The following IDH3G variants were observed in gnomAD, a reference collection of about 807,000 sequenced individuals.
IDH3G encodes the protein isocitrate dehydrogenase [NAD] subunit gamma, mitochondrial.
In IDH3G, 9 loss-of-function variants were observed where a neutral mutation model predicts 26.9. The ratio of observed to expected loss-of-function variants is 0.34; its 90% CI spans 0.20 to 0.58. The LOEUF is 0.58. Ranked by LOEUF, IDH3G falls within the 20% of genes least tolerant of loss-of-function variation. The probability of loss-of-function intolerance (pLI) is 0.85; values close to 1 mark genes in which losing one functional copy is unlikely to be tolerated. For synonymous variants in IDH3G, 181 were observed against 160.0 expected (o/e 1.13, Z -0.99); for missense variants, 250 against 372.8 (o/e 0.67, Z 2.71).
chrX:153,791,783 T>A (rs781936544), intron 1 of IDH3G, among the ~76,000 whole-genome samples: 72 of 112,149 alleles, frequency 6.4e-4, no homozygotes, highest in African/African-American at 2.1e-3. Flanking sequence ...CCAGAAAGGC[T>A]CGGGCGGAGT....
At chrX:153,791,804 CCT>C (rs782455026) in intron 1 of IDH3G, among the ~76,000 whole-genome samples, 1 of 112,316 alleles carries the variant, frequency 8.9e-6, no homozygotes, top group Non-Finnish European at 1.9e-5. Context: ...CTGACCTCTC[CCT>C]GTCTGTGTGT....
rs781841579 is a variant in IDH3G, at chrX:153,787,846, C to T, written c.517G>A (p.Glu173Lys). 2 of 1,209,228 alleles carry T rather than the reference C, an allele frequency of 1.7e-6. No individual in the cohort carries two copies. Among genetic ancestry groups the T allele is most frequent in the African/African-American group, 1.7e-5 (1 of 57,449 alleles). The change falls in exon 7 of 13, where the codon GAG (glutamate) becomes AAG (lysine). Residue 173 changes from glutamate to lysine, a missense_variant. Physicochemically the swap from Glu to Lys is moderately conservative, Grantham distance 56. This residue lies in a region of IDH3G where 201 missense variants were observed against 331.3 expected (regional missense o/e 0.61). Coordinates refer to ENST00000217901, the MANE Select transcript of IDH3G (RefSeq NM_004135.4). ...ACCTCATGCTCCAGGCTGCTGTACT[C>T]GCCCTCTGTGTTCTCCCGGACAATG... is the stretch of plus-strand genomic sequence containing the variant. Reference protein sequence around the residue: ...ILIVRENTEGEYSSLEHESVA... With the variant: ...ILIVRENTEGKYSSLEHESVA...
rs1455585953 is a variant in IDH3G at position 153,790,583 on chromosome X, G to A, written c.124-8C>T. On this transcript the variant is annotated splice_region_variant and splice_polypyrimidine_tract_variant and intron_variant, in intron 2 of 12. Transcript: ENST00000217901. ...ACTCACAATTGTTTGTTCCTAGAAA[G>A]GATGAGAAAGGAAGAAGACACAATC... The A allele has an allele frequency of 2.5e-6, 3 of 1,205,523 alleles. No individual in the cohort carries two copies. Among genetic ancestry groups the A allele is most frequent in the East Asian group, 3.0e-5 (1 of 33,765 alleles).
chrX:153,787,813 C>T lies in IDH3G; in HGVS notation c.540+10G>A. 8.3e-7 allele frequency: 1 copy of T among 1,203,658 alleles called. No homozygotes were observed. The highest frequency in any genetic ancestry group is 1.1e-6 in the Non-Finnish European group (1 of 889,140). Reference sequence around the variant, plus strand: ...GCTGGGGGGGCTCATCTCGGGCCCCCCATGCACACCTCATGCTCCAGGCTG... The same window carrying T: ...GCTGGGGGGGCTCATCTCGGGCCCCTCATGCACACCTCATGCTCCAGGCTG... On this transcript the variant is annotated intron_variant, in intron 7 of 12. Coordinates refer to ENST00000217901, the MANE Select transcript of IDH3G (RefSeq NM_004135.4).
In IDH3G at chrX:153,788,207, C is replaced by G. The variant is rs782044181; in HGVS notation, c.347-72G>C. 102 of 1,068,294 alleles carry G rather than the reference C, an allele frequency of 9.5e-5. No homozygotes were observed. In the African/African-American group the frequency reaches 1.7e-3, roughly 17 times the overall value. The allele number at this position is 1,068,294 out of a possible 1,213,427, so 88.0% of individuals were successfully genotyped here. A position where few individuals can be genotyped will look rare whatever the true frequency, so the allele number is the denominator to read the frequency against. On this transcript the variant is annotated intron_variant, in intron 5 of 12. Coordinates refer to ENST00000217901, the MANE Select transcript of IDH3G (RefSeq NM_004135.4). Reference sequence around the variant, plus strand: ...ACCTCAGCAGGGCAGCTGAAGGCTGCCGGGGTCAGAAGACTTGGGGAGCAA... The same window carrying G: ...ACCTCAGCAGGGCAGCTGAAGGCTGGCGGGGTCAGAAGACTTGGGGAGCAA...
intron 1 of IDH3G, chrX:153,791,197 A>G (rs2092108387): frequency 3.9e-6 from 1 of 257,649 alleles, no homozygotes; most frequent in South Asian, 1.1e-4. Context: ...AAACTGGCAA[A>G]CTAACCCTGG....
At position 153,788,058 on chromosome X, in the gene IDH3G, G is replaced by C. The variant is rs367626655; in HGVS notation, c.407+17C>G. ...CTTAGCCCCACCAAGCCCCCAGCCC[G>C]CACACCCGGATCTCACCGAAGGATG... On this transcript the variant is annotated intron_variant, in intron 6 of 12. Transcript: ENST00000217901. 3.3e-6 allele frequency: 4 copies of C among 1,211,017 alleles called. No individual in the cohort carries two copies. The East Asian group carries it at 1.2e-4, about 36-fold the overall frequency.
chrX:153,786,051 T>C (rs1557069056), intron 12 of IDH3G, 78 bp from the exon 13 acceptor site: 2 of 1,206,532 alleles, frequency 1.7e-6, no homozygotes, highest in Non-Finnish European at 2.2e-6. Flanking sequence ...AGGACTGGGA[T>C]TGCCACAGGA....
Position 153,789,705 on chromosome X carries a change from A to T in IDH3G, c.346+7T>A. 2.7e-6 allele frequency: 3 copies of T among 1,123,250 alleles called. No individual in the cohort carries two copies. The highest frequency in any genetic ancestry group is 2.4e-6 in the Non-Finnish European group (2 of 821,598). The allele number at this position is 1,123,250 out of a possible 1,213,427, so 92.6% of individuals were successfully genotyped here. ...GCCCCATCCTGGCCCCTGGCCCTGG[A>T]GCTCACCCTTCAGGGCCACGCGGTT... On this transcript the variant is annotated splice_region_variant and intron_variant, in intron 5 of 12. Transcript: ENST00000217901.
chrX:153,786,792 G>T lies in IDH3G; in HGVS notation c.924+9C>A. 1.7e-6 allele frequency: 2 copies of T among 1,197,961 alleles called. No individual in the cohort carries two copies. Among genetic ancestry groups the T allele is most frequent in the Non-Finnish European group, 2.3e-6 (2 of 885,378 alleles). ...GGCGGCAAGCCGCGGCACTGCCACC[G>T]GCACTCACTGTTTCAAACACCGCGT... On this transcript the variant is annotated intron_variant, in intron 10 of 12. Coordinates refer to ENST00000217901, the MANE Select transcript of IDH3G (RefSeq NM_004135.4).
At chrX:153,786,125 G>A (rs782773274) in intron 12 of IDH3G, 87 bp downstream of exon 12, 255 of 1,196,598 alleles carry the variant, frequency 2.1e-4, no homozygotes, top group Non-Finnish European at 2.8e-4. Flanking sequence ...TCCCCTGGGG[G>A]CTGTGGTCAG....
intron 5 of IDH3G, 146 bp from the exon 6 acceptor site, chrX:153,788,281 C>T (rs2092097068): frequency 3.4e-6 from 2 of 584,749 alleles, no homozygotes; most frequent in South Asian, 2.6e-5. Flanking sequence ...CCAGCCTAAG[C>T]CCCACGAGGC....
chrX:153,785,945 C>T lies in IDH3G; in HGVS notation c.1109G>A (p.Gly370Asp). 8.3e-7 allele frequency: 1 copy of T among 1,211,114 alleles called. No homozygotes were observed. The highest frequency in any genetic ancestry group is 2.3e-4 in the Middle Eastern group (1 of 4,354). The change falls in exon 13 of 13, where the codon GGC (glycine) becomes GAC (aspartate). Residue 370 changes from glycine to aspartate, a missense_variant. Coordinates refer to ENST00000217901, the MANE Select transcript of IDH3G (RefSeq NM_004135.4). ...NMHTPDIGGQ[G>D]TTSEAIQDVI... The stretch of plus-strand genomic sequence containing the variant: ...GTCCTGGATGGCTTCAGATGTTGTG[C>T]CCTGGCCCCCGATGTCCGGAGTGTG...
chrX:153,794,117 C>T (rs2092122250), intron 1 of IDH3G, 129 bp downstream of exon 1: 8 of 728,257 alleles, frequency 1.1e-5, no homozygotes, highest in East Asian at 3.7e-5. Context: ...CAATCAACCC[C>T]GGCGCGAAGC....
chrX:153,790,514 C>T (rs782518845), intron 3 of IDH3G, 50 bp downstream of exon 3: 1 of 1,177,117 alleles, frequency 8.5e-7, no homozygotes, highest in Non-Finnish European at 1.2e-6. Flanking sequence ...TAGTTAACCC[C>T]AAAGCAACTA....
intron 12 of IDH3G, 91 bp from the exon 13 acceptor site, chrX:153,786,064 G>T: frequency 8.3e-7 from 1 of 1,203,660 alleles, no homozygotes; most frequent in South Asian, 1.8e-5. Context: ...CCACAGGAGG[G>T]AAGTGGCACC....
Position 153,794,299 on chromosome X carries a change from C to G in IDH3G, c.28G>C (p.Gly10Arg). Residue 10 changes from glycine (G) to arginine (R), a missense_variant, in exon 1 of 13, where the codon GGC (glycine) becomes CGC (arginine). By Grantham distance (125) the Gly-to-Arg change is moderately radical. Transcript: ENST00000217901. ...CCGAGCACCGCCTTCGCGGCGCTGC[C>G]GGCGACGGTCGCTACCTTCAGCGCC... MALKVATVA[G>R]SAAKAVLGPA... The G allele has an allele frequency of 8.3e-7, 1 of 1,198,414 alleles. No homozygotes were observed.
chrX:153,793,953 G>C (rs1239045182), intron 1 of IDH3G: 4 of 243,236 alleles, frequency 1.6e-5, no homozygotes, highest in Admixed American at 6.5e-5. Flanking sequence ...GACTGCCTCA[G>C]AAGGGCTCCT....
At chrX:153,787,793 G>T (rs781961831) in intron 7 of IDH3G, 30 bp downstream of exon 7, 3 of 1,195,524 alleles carry the variant, frequency 2.5e-6, no homozygotes, top group Non-Finnish European at 2.3e-6. Flanking sequence ...TTGACGCTGG[G>T]GGGGCTCATC....
Sources: allele counts gnomAD v4.1 joint callset (sites outside exome capture counted in the v4.1 genomes callset), GRCh38; gene constraint gnomAD v4.1.1; regional missense constraint gnomAD v4.1.1; transcripts MANE v1.5; gene names NCBI Gene and HGNC (gene_info 2026-07-23, HGNC 2026-07-21).